Variants in SLC9B1 observed in about 807,000 individuals in gnomAD.
SLC9B1 encodes the protein solute carrier family 9 member B1.
Under a neutral mutation model 51.7 loss-of-function variants are expected in SLC9B1, and 32 were observed. That is an observed-to-expected ratio of 0.62 (90% confidence interval 0.47 to 0.83). The LOEUF is 0.83. SLC9B1 is among the 40% of genes least tolerant of loss of function. The pLI is 0.00. For missense variants in SLC9B1, 406 were observed against 613.2 expected (o/e 0.66, Z 3.57); for synonymous variants, 145 against 212.7 (o/e 0.68, Z 2.77).
chr4:102,922,984 G>A (rs1735960373), intron 7 of SLC9B1, among the ~76,000 whole-genome samples: 1 of 152,162 alleles, frequency 6.6e-6, no homozygotes, highest in Non-Finnish European at 1.5e-5. Flanking sequence ...GAGGCACAAA[G>A]AGGAGCTGGT....
chr4:103,004,562 CA>C (rs1295838969), intron 1 of SLC9B1, among the ~76,000 whole-genome samples: 1 of 152,118 alleles, frequency 6.6e-6, no homozygotes, highest in African/African-American at 2.4e-5. Flanking sequence ...TGCCAATATT[CA>C]AATTCAAGAA....
chr4:103,009,109 G>A (rs932704452), intron 1 of SLC9B1, among the ~76,000 whole-genome samples: 7 of 152,128 alleles, frequency 4.6e-5, no homozygotes, highest in Admixed American at 2.0e-4. Context: ...GGCTTTAACA[G>A]TTTTAAGTCT....
intron 11 of SLC9B1, among the ~76,000 whole-genome samples, chr4:102,903,291 C>T (rs920723341): frequency 1.3e-5 from 2 of 152,082 alleles, no homozygotes; most frequent in African/African-American, 4.8e-5. Context: ...ATTTATTATT[C>T]CCTACAGTAG....
At chr4:103,006,359 T>A (rs1038123698) in intron 1 of SLC9B1, among the ~76,000 whole-genome samples, 5 of 152,056 alleles carry the variant, frequency 3.3e-5, no homozygotes, top group Non-Finnish European at 7.4e-5. Flanking sequence ...CAGACTATTA[T>A]GAACACCTCT....
chr4:102,977,659 A>G (rs1455750531), intron 3 of SLC9B1, among the ~76,000 whole-genome samples: 1 of 152,176 alleles, frequency 6.6e-6, no homozygotes, highest in East Asian at 1.9e-4. Context: ...TCTAACAACC[A>G]GAAAAATTTC....
chr4:102,924,491 G>C (rs1331975094), intron 7 of SLC9B1, among the ~76,000 whole-genome samples: 2 of 152,130 alleles, frequency 1.3e-5, no homozygotes, highest in Admixed American at 1.3e-4. Flanking sequence ...CAGGCCATAG[G>C]CATGGGCAAA....
chr4:102,967,845 TA>T (rs1219136489), intron 3 of SLC9B1, among the ~76,000 whole-genome samples: 1 of 152,058 alleles, frequency 6.6e-6, no homozygotes, highest in Non-Finnish European at 1.5e-5. Context: ...CACTGAAAAC[TA>T]AAAAACATCA....
In SLC9B1 at chr4:102,980,364, G is replaced by C. The variant is rs868809646; in HGVS notation, c.211+9436C>G. The stretch of plus-strand genomic sequence containing the variant: ...TCAACATAAATGCCCATCAATGATA[G>C]ACTGCATAAAGAAAATGTGGTACAT... On this transcript the variant is annotated intron_variant, in intron 3 of 11. Transcript: ENST00000296422. Among the ~76,000 whole-genome samples, 6 of 152,262 alleles carry C rather than the reference G, an allele frequency of 3.9e-5. No individual in the cohort carries two copies. In the South Asian group the frequency reaches 6.2e-4, roughly 16 times the overall value.
intron 1 of SLC9B1, among the ~76,000 whole-genome samples, chr4:103,018,342 TC>T (rs1171054181): frequency 6.6e-6 from 1 of 152,072 alleles, no homozygotes; most frequent in Non-Finnish European, 1.5e-5. Flanking sequence ...GTGCAATATA[TC>T]CACACAACAA....
At chr4:102,909,359 T>C (rs1735223067) in intron 9 of SLC9B1, among the ~76,000 whole-genome samples, 2 of 152,000 alleles carry the variant, frequency 1.3e-5, no homozygotes. Context: ...TCCCAACATT[T>C]TGGGAGGCCG....
At chr4:102,927,536 T>C (rs568089692) in intron 7 of SLC9B1, among the ~76,000 whole-genome samples, 15 of 152,226 alleles carry the variant, frequency 9.9e-5, no homozygotes, top group African/African-American at 2.4e-4. Flanking sequence ...TATCATCTCA[T>C]GCCAGTTAGA....
At chr4:102,950,634 C>G (rs1737501039) in intron 3 of SLC9B1, among the ~76,000 whole-genome samples, 1 of 152,184 alleles carries the variant, frequency 6.6e-6, no homozygotes, top group African/African-American at 2.4e-5. Context: ...GTATCTCTTT[C>G]CTCCTCCCCT....
At chr4:102,948,675 A>C (rs1244990937) in intron 4 of SLC9B1, among the ~76,000 whole-genome samples, 1 of 152,198 alleles carries the variant, frequency 6.6e-6, no homozygotes, top group African/African-American at 2.4e-5. Context: ...AACATGGATA[A>C]AGCTGAACAC....
chr4:102,885,375 T>A, intron 11 of SLC9B1: 3 of 1,614,128 alleles, frequency 1.9e-6, no homozygotes, highest in Non-Finnish European at 2.5e-6. Flanking sequence ...GAAATAAACA[T>A]TGAAGATTTG....
chr4:102,965,448 C>T (rs1327709926), intron 3 of SLC9B1, among the ~76,000 whole-genome samples: 3 of 152,156 alleles, frequency 2.0e-5, no homozygotes, highest in Non-Finnish European at 4.4e-5. Context: ...TCTATTCCCA[C>T]AGGAACCAAT....
At chr4:103,016,544 T>C (rs1741354855) in intron 1 of SLC9B1, among the ~76,000 whole-genome samples, 1 of 152,008 alleles carries the variant, frequency 6.6e-6, no homozygotes, top group Non-Finnish European at 1.5e-5. Context: ...CAAAACCCAA[T>C]GCACAGATCT....
chr4:102,969,334 G>C (rs1280835955), intron 3 of SLC9B1, among the ~76,000 whole-genome samples: 7 of 152,178 alleles, frequency 4.6e-5, no homozygotes, highest in Non-Finnish European at 1.0e-4. Flanking sequence ...CTCCAATGGT[G>C]ACACCCAGGC....
At chr4:102,921,526 TATC>T (rs1353144534) in intron 7 of SLC9B1, among the ~76,000 whole-genome samples, 1 of 152,018 alleles carries the variant, frequency 6.6e-6, no homozygotes, top group East Asian at 1.9e-4. Flanking sequence ...AACCAGCAAC[TATC>T]ATAATAACAG....
At chr4:103,004,145 C>T (rs1044076348) in intron 1 of SLC9B1, among the ~76,000 whole-genome samples, 5 of 152,132 alleles carry the variant, frequency 3.3e-5, no homozygotes, top group African/African-American at 1.2e-4. Flanking sequence ...TGAACATTGA[C>T]ATTCAGGAGA....
Sources: gnomAD v4.1 joint callset for allele counts (sites outside exome capture counted in the v4.1 genomes callset) on GRCh38, gnomAD v4.1.1 for gene constraint, MANE v1.5 for transcripts, NCBI Gene and HGNC (gene_info 2026-07-23, HGNC 2026-07-21) for gene names.